Variants in PCDHGA8 observed in about 807,000 individuals in gnomAD.
The protein encoded by PCDHGA8 is protocadherin gamma-A8.
A neutral mutation model predicts 59.2 loss-of-function variants in PCDHGA8; 45 were observed. The observed-to-expected ratio is 0.76, with a 90% CI of 0.60 to 0.98. The LOEUF (loss-of-function observed/expected upper bound fraction) is 0.98, where lower values mean the gene tolerates loss of function less well. Among genes scored for constraint, PCDHGA8 ranks in the 50% least tolerant of loss-of-function variants. PCDHGA8 has a pLI of 0.00. For synonymous variants in PCDHGA8, 531 were observed against 519.0 expected (o/e 1.02, Z -0.32); for missense variants, 1,257 against 1,196.2 (o/e 1.05, Z -0.75).
At chr5:141,403,119 C>T in intron 1 of PCDHGA8, 1 of 1,614,060 alleles carries the variant, frequency 6.2e-7, no homozygotes, top group Non-Finnish European at 8.5e-7. Flanking sequence ...GCTCTGGAGC[C>T]CCGGGAGCTG....
chr5:141,488,131 G>A (rs2099672034), intron 1 of PCDHGA8, among the ~76,000 whole-genome samples: 1 of 152,202 alleles, frequency 6.6e-6, no homozygotes, highest in Non-Finnish European at 1.5e-5. Context: ...GCAGAAAGAG[G>A]AGAGAACTAA....
At chr5:141,499,244 CAA>C (rs1191956146) in intron 2 of PCDHGA8, among the ~76,000 whole-genome samples, 1 of 152,090 alleles carries the variant, frequency 6.6e-6, no homozygotes, top group Non-Finnish European at 1.5e-5. Flanking sequence ...AGCCTCTGCA[CAA>C]AGAGTCTCCA....
At chr5:141,492,385 G>A (rs1224771842) in intron 1 of PCDHGA8, among the ~76,000 whole-genome samples, 1 of 152,208 alleles carries the variant, frequency 6.6e-6, no homozygotes, top group Non-Finnish European at 1.5e-5. Context: ...GGCCTGTTCC[G>A]GTCCACTCGC....
intron 1 of PCDHGA8, among the ~76,000 whole-genome samples, chr5:141,456,745 A>T (rs573105679): frequency 6.6e-6 from 1 of 151,920 alleles, no homozygotes; most frequent in South Asian, 2.1e-4. Context: ...CGGGAGCATC[A>T]TGAGGTCAGG....
At chr5:141,415,569 A>G (rs962518094) in intron 1 of PCDHGA8, 12 of 1,614,092 alleles carry the variant, frequency 7.4e-6, no homozygotes, top group Non-Finnish European at 1.0e-5. Flanking sequence ...TGTCTTTGTT[A>G]GATGATTCGA....
At position 141,398,766 on chromosome 5, in the gene PCDHGA8, T is replaced by A. The variant is rs775055352; in HGVS notation, c.2424+3529T>A. On this transcript the variant is annotated intron_variant, in intron 1 of 3. Coordinates refer to ENST00000398604, the MANE Select transcript of PCDHGA8 (RefSeq NM_032088.2). ...AGAGTTACCATCGTTTAGTCCTGACTGCCTTGGACGGTGGACATCCACCCC... is the reference window on the plus strand; with the variant it reads ...AGAGTTACCATCGTTTAGTCCTGACAGCCTTGGACGGTGGACATCCACCCC... 2.1e-5 allele frequency: 34 copies of A among 1,613,844 alleles called. 1 individual carries two copies. In the South Asian group the frequency reaches 3.1e-4, roughly 15 times the overall value.
chr5:141,410,561 G>T (rs201832666), intron 1 of PCDHGA8: 171 of 1,612,580 alleles, frequency 1.1e-4, no homozygotes, highest in Admixed American at 2.7e-4. Context: ...TTCTCCTGGA[G>T]CCTTAATTCC....
At chr5:141,403,624 C>T (rs1269483770) in intron 1 of PCDHGA8, 3 of 1,613,924 alleles carry the variant, frequency 1.9e-6, no homozygotes. Context: ...GTCGCTCCAG[C>T]ACAGTGCGCA....
At chr5:141,421,783 A>G in intron 1 of PCDHGA8, 1 of 1,613,882 alleles carries the variant, frequency 6.2e-7, no homozygotes, top group East Asian at 2.2e-5. Flanking sequence ...ACTGCGGGGC[A>G]GAACGGATGG....
chr5:141,436,659 G>A (rs771567212), intron 1 of PCDHGA8, among the ~76,000 whole-genome samples: 3 of 152,136 alleles, frequency 2.0e-5, no homozygotes, highest in Non-Finnish European at 2.9e-5. Flanking sequence ...GCCATTTTTA[G>A]TGGTTGACCA....
chr5:141,435,973 G>T (rs1420195337), intron 1 of PCDHGA8, among the ~76,000 whole-genome samples: 1 of 152,028 alleles, frequency 6.6e-6, no homozygotes, highest in East Asian at 1.9e-4. Context: ...AGAGTGTGTG[G>T]TTCTACTTGT....
Position 141,393,514 on chromosome 5 carries a change from A to T in PCDHGA8, c.701A>T (p.Asp234Val), listed in dbSNP as rs72492419. 17 of 1,613,912 alleles carry T rather than the reference A, an allele frequency of 1.1e-5. No individual in the cohort carries two copies. In the East Asian group the frequency reaches 3.8e-4, roughly 36 times the overall value. The part of the protein sequence containing the change: ...STVRIHVTVL[D>V]TNDNAPVFPH... Reference sequence around the variant, plus strand: ...GTGCGCATCCACGTGACAGTGTTGGATACAAATGACAATGCCCCGGTTTTT... The same window carrying T: ...GTGCGCATCCACGTGACAGTGTTGGTTACAAATGACAATGCCCCGGTTTTT... Residue 234 changes from aspartate to valine, a missense_variant, in exon 1 of 4, where the codon GAT (aspartate) becomes GTT (valine). Coordinates refer to ENST00000398604, the MANE Select transcript of PCDHGA8 (RefSeq NM_032088.2).
At chr5:141,443,872 A>G (rs1446612063) in intron 1 of PCDHGA8, among the ~76,000 whole-genome samples, 1 of 152,212 alleles carries the variant, frequency 6.6e-6, no homozygotes, top group South Asian at 2.1e-4. Context: ...AAAATTACTG[A>G]TAAGTCAAGA....
chr5:141,489,300 C>G lies in PCDHGA8; in HGVS notation c.2425-5507C>G. The G allele has an allele frequency of 6.3e-7, 1 of 1,585,700 alleles. No individual in the cohort carries two copies. The highest frequency in any genetic ancestry group is 1.2e-5 in the South Asian group (1 of 85,012). Reference sequence around the variant, plus strand: ...AATGGCAAGTGCTGTGCATGTTGTCCTTGTGCTGCTGGGGCTGGGTGTCTG... The same window carrying G: ...AATGGCAAGTGCTGTGCATGTTGTCGTTGTGCTGCTGGGGCTGGGTGTCTG... On this transcript the variant is annotated intron_variant, in intron 1 of 3. Coordinates refer to ENST00000398604, the MANE Select transcript of PCDHGA8 (RefSeq NM_032088.2). This position sits in a 1 kb window ranked among gnomAD's most constrained non-coding sequence, Gnocchi z 4.5.
At chr5:141,404,396 A>C (rs2094523935) in intron 1 of PCDHGA8, 2 of 1,613,816 alleles carry the variant, frequency 1.2e-6, no homozygotes, top group Non-Finnish European at 1.7e-6. Context: ...CCCTGATAGC[A>C]ATGAGAATTC....
intron 1 of PCDHGA8, chr5:141,403,221 T>G (rs899056141): frequency 1.3e-5 from 21 of 1,613,974 alleles, no homozygotes; most frequent in Non-Finnish European, 1.8e-5. Flanking sequence ...GCGGGTAGGA[T>G]AGACCGGGAG....
At chr5:141,478,236 TCA>T in intron 1 of PCDHGA8, 3 of 1,614,156 alleles carry the variant, frequency 1.9e-6, no homozygotes, top group Non-Finnish European at 2.5e-6. Flanking sequence ...GGGTTTGTGG[TCA>T]CAGTGTTCGG....
chr5:141,478,336 C>T, intron 1 of PCDHGA8: 2 of 1,613,950 alleles, frequency 1.2e-6, no homozygotes, highest in South Asian at 2.2e-5. Context: ...CACCAGGGCC[C>T]TCCTTGCACG....
At chr5:141,407,505 T>TTTTTTTTTTTTTTTTTTTTTGAG (rs1460306566) in intron 1 of PCDHGA8, among the ~76,000 whole-genome samples, 2 of 152,146 alleles carry the variant, frequency 1.3e-5, no homozygotes, top group African/African-American at 4.8e-5. Context: ...CTGTTTTTCT[T>TTTTTTTTTTTTTTTTTTTTTGAG]AGGCTATGTA....
Sources: allele counts gnomAD v4.1 joint callset (sites outside exome capture counted in the v4.1 genomes callset), GRCh38; gene constraint gnomAD v4.1.1; non-coding constraint Gnocchi (gnomAD v3.1); transcripts MANE v1.5; gene names NCBI Gene and HGNC (gene_info 2026-07-23, HGNC 2026-07-21).